Variants in PTPRD observed in about 807,000 individuals in gnomAD.
PTPRD encodes protein tyrosine phosphatase receptor type D, also known as receptor-type tyrosine-protein phosphatase delta.
In PTPRD, 34 loss-of-function variants were observed where a neutral mutation model predicts 214.5. The ratio of observed to expected loss-of-function variants is 0.16; its 90% CI spans 0.12 to 0.21. The LOEUF (loss-of-function observed/expected upper bound fraction) is 0.21. Ranked by LOEUF, PTPRD falls within the 10% of genes least tolerant of loss-of-function variation. The pLI, the probability that PTPRD is intolerant of heterozygous loss-of-function variation, is 1.00. For missense variants in PTPRD, 2,545 were observed against 2,398.7 expected (o/e 1.06, Z -1.27); for synonymous variants, 1,128 against 845.7 (o/e 1.33, Z -5.79).
At chr9:8,523,628 T>C (rs954045928) in intron 18 of PTPRD, 104 bp from the exon 19 acceptor site, 2 of 1,240,300 alleles carry the variant, frequency 1.6e-6, no homozygotes, top group Non-Finnish European at 1.2e-6. Context: ...GGCTTTCAAC[T>C]GCTACTTGAA....
At chr9:10,064,394 A>C (rs2097839738) in intron 3 of PTPRD, among the ~76,000 whole-genome samples, 1 of 152,022 alleles carries the variant, frequency 6.6e-6, no homozygotes, top group Non-Finnish European at 1.5e-5. Context: ...AAAACATGAG[A>C]AGACTATAAA....
chr9:8,364,899 T>C (rs1341291863), intron 39 of PTPRD, among the ~76,000 whole-genome samples: 3 of 152,196 alleles, frequency 2.0e-5, no homozygotes, highest in Non-Finnish European at 4.4e-5. Flanking sequence ...CCAATCATCT[T>C]GGTGTCAAAC....
intron 8 of PTPRD, among the ~76,000 whole-genome samples, chr9:9,528,681 G>T (rs1173488047): frequency 6.6e-6 from 1 of 151,902 alleles, no homozygotes; most frequent in Admixed American, 6.6e-5. Context: ...ACTACTGAAG[G>T]TCAGTGACAA....
chr9:9,895,806 C>A (rs1179702455), intron 5 of PTPRD, among the ~76,000 whole-genome samples: 1 of 151,976 alleles, frequency 6.6e-6, no homozygotes, highest in Non-Finnish European at 1.5e-5. Flanking sequence ...GCATGCAGTT[C>A]CTTAAAACCT....
intron 7 of PTPRD, among the ~76,000 whole-genome samples, chr9:9,699,662 C>A (rs1206739873): frequency 6.6e-6 from 1 of 152,182 alleles, no homozygotes; most frequent in Non-Finnish European, 1.5e-5. Flanking sequence ...GCCTTGGTCA[C>A]AACAGCAGGG....
intron 14 of PTPRD, among the ~76,000 whole-genome samples, chr9:8,630,405 C>T (rs1194096302): frequency 6.6e-6 from 1 of 151,814 alleles, no homozygotes; most frequent in Non-Finnish European, 1.5e-5. Context: ...TTATTAAACA[C>T]TACTATTAAT....
chr9:9,979,872 T>C (rs1411683897), intron 4 of PTPRD, among the ~76,000 whole-genome samples: 1 of 152,164 alleles, frequency 6.6e-6, no homozygotes, highest in Non-Finnish European at 1.5e-5. Context: ...TATCAGAGAT[T>C]GGGCACAGCA....
chr9:8,762,954 G>A (rs1419261299), intron 11 of PTPRD, among the ~76,000 whole-genome samples: 5 of 152,152 alleles, frequency 3.3e-5, no homozygotes, highest in African/African-American at 1.2e-4. Flanking sequence ...CTTCCAGCGT[G>A]ACACTGAAAT....
intron 3 of PTPRD, among the ~76,000 whole-genome samples, chr9:10,173,377 T>A (rs1355058315): frequency 2.0e-5 from 3 of 152,116 alleles, no homozygotes; most frequent in Non-Finnish European, 4.4e-5. Flanking sequence ...AAAAATGAGT[T>A]AAGGAAAGTT....
intron 9 of PTPRD, among the ~76,000 whole-genome samples, chr9:9,289,305 CT>C (rs1277838240): frequency 6.6e-6 from 1 of 151,840 alleles, no homozygotes; most frequent in East Asian, 1.9e-4. Flanking sequence ...CAGCTAGCAA[CT>C]TATTTTATGT....
At chr9:8,688,591 A>G (rs1328950042) in intron 12 of PTPRD, among the ~76,000 whole-genome samples, 1 of 151,532 alleles carries the variant, frequency 6.6e-6, no homozygotes, top group Non-Finnish European at 1.5e-5. Flanking sequence ...AAAAAAATAT[A>G]TATAAGATGG....
chr9:9,410,950 T>G (rs1473144336), intron 8 of PTPRD, among the ~76,000 whole-genome samples: 2 of 152,098 alleles, frequency 1.3e-5, no homozygotes, highest in Non-Finnish European at 2.9e-5. Context: ...AGGCTTAGAA[T>G]AAGTGTGGGC....
intron 9 of PTPRD, among the ~76,000 whole-genome samples, chr9:9,379,356 G>A (rs1339739242): frequency 6.6e-6 from 1 of 151,200 alleles, no homozygotes; most frequent in African/African-American, 2.4e-5. Flanking sequence ...TATTTATGTG[G>A]GTCTATTTCT....
chr9:10,125,363 CTT>C (rs1010208229), intron 3 of PTPRD, among the ~76,000 whole-genome samples: 2 of 146,794 alleles, frequency 1.4e-5, no homozygotes, highest in East Asian at 4.0e-4. Flanking sequence ...TCAATCATTT[CTT>C]TTTTCTTTTC....
intron 10 of PTPRD, among the ~76,000 whole-genome samples, chr9:9,126,408 G>T (rs1569548653): frequency 6.6e-6 from 1 of 152,130 alleles, no homozygotes; most frequent in Non-Finnish European, 1.5e-5. Flanking sequence ...CTATATCAAG[G>T]ATAGCTTTTT....
chr9:10,170,074 T>C (rs1274238943), intron 3 of PTPRD, among the ~76,000 whole-genome samples: 1 of 152,182 alleles, frequency 6.6e-6, no homozygotes, highest in Admixed American at 6.5e-5. Flanking sequence ...GAAGGGACTT[T>C]TGCATATCAA....
intron 2 of PTPRD, among the ~76,000 whole-genome samples, chr9:10,526,422 C>G (rs1371584103): frequency 6.6e-6 from 1 of 151,806 alleles, no homozygotes; most frequent in Non-Finnish European, 1.5e-5. Context: ...GAAAATCATA[C>G]CCATGCCAAT....
intron 10 of PTPRD, among the ~76,000 whole-genome samples, chr9:9,075,163 T>C (rs1371042951): frequency 6.6e-6 from 1 of 152,110 alleles, no homozygotes; most frequent in Non-Finnish European, 1.5e-5. Flanking sequence ...TTTTAATTTT[T>C]GTGCATACAT....
At chr9:8,544,868 T>C (rs144154710) in intron 14 of PTPRD, among the ~76,000 whole-genome samples, 1 of 150,612 alleles carries the variant, frequency 6.6e-6, no homozygotes, top group African/African-American at 2.4e-5. Context: ...CAATAACAGC[T>C]GGGTCATACT....
Sources: gnomAD v4.1 joint callset for allele counts (sites outside exome capture counted in the v4.1 genomes callset) on GRCh38, gnomAD v4.1.1 for gene constraint, MANE v1.5 for transcripts, NCBI Gene and HGNC (gene_info 2026-07-23, HGNC 2026-07-21) for gene names.